Variants in WWC1 observed in about 807,000 individuals in gnomAD.
WWC1 encodes the protein WW and C2 domain containing 1, also known as protein KIBRA.
A neutral mutation model predicts 138.4 loss-of-function variants in WWC1; 55 were observed. The ratio of observed to expected loss-of-function variants is 0.40; its 90% CI spans 0.32 to 0.50. The LOEUF (loss-of-function observed/expected upper bound fraction) is 0.50. WWC1 is among the 20% of genes least tolerant of loss of function. WWC1 has a pLI of 0.72. For missense variants in WWC1, 1,226 were observed against 1,420.4 expected, an observed-to-expected ratio of 0.86 and a Z score of 2.20; for synonymous variants, 524 against 564.9, an observed-to-expected ratio of 0.93 and a Z score of 1.03.
chr5:168,292,915 C>T lies in WWC1; in HGVS notation c.119+644C>T, dbSNP rs937798291. Among the ~76,000 whole-genome samples, 4 of 152,122 alleles carry T rather than the reference C, an allele frequency of 2.6e-5. No homozygotes were observed. Among genetic ancestry groups the T allele is most frequent in the Admixed American group, 2.6e-4 (4 of 15,280 alleles). On this transcript the variant is annotated intron_variant, in intron 1 of 22. Coordinates refer to ENST00000265293, the MANE Select transcript of WWC1 (RefSeq NM_015238.3). The surrounding 1 kb of genome is among the most constrained non-coding windows in gnomAD (Gnocchi z 4.4). ...AGGGCAGATGAGGGAGACTGGTTAT[C>T]CAGGAATCTGGCAGCAACTTGGAAG...
chr5:168,374,333 G>T (rs569481241), intron 2 of WWC1, among the ~76,000 whole-genome samples: 1 of 152,300 alleles, frequency 6.6e-6, no homozygotes, highest in Non-Finnish European at 1.5e-5. Context: ...GTATTTGGGG[G>T]TGGCGAAGAA....
At chr5:168,337,173 T>A (rs55825896) in intron 1 of WWC1, among the ~76,000 whole-genome samples, 1,894 of 152,192 alleles carry the variant, frequency 0.012, 41 homozygotes, top group African/African-American at 0.043. Context: ...GGTCCTGCAA[T>A]CATTGGGGAC....
Position 168,455,498 on chromosome 5 carries a change from C to G in WWC1, c.2801C>G (p.Pro934Arg). ...CGCTCTAAGACCTTCTCCCCAGGAC[C>G]CCAGAGCCAGTACGTGTGCCGGGTA... ...IIRSKTFSPG[P>R]QSQYVCRLNR... Residue 934 changes from proline (P) to arginine (R), a missense_variant, in exon 19 of 23, where the codon CCC becomes CGC. Pro to Arg is a moderately radical substitution (Grantham distance 103, BLOSUM62 -2). This residue lies in a region of WWC1 where 206 missense variants were observed against 247.4 expected (regional missense o/e 0.83). Coordinates refer to ENST00000265293, the MANE Select transcript of WWC1 (RefSeq NM_015238.3). 1 of 1,613,058 alleles carries G rather than the reference C, an allele frequency of 6.2e-7. No homozygotes were observed. Among genetic ancestry groups the G allele is most frequent in the Non-Finnish European group, 8.5e-7 (1 of 1,179,544 alleles).
chr5:168,431,469 G>T (rs1781935554), intron 15 of WWC1, 25 bp downstream of exon 15: 1 of 1,358,440 alleles, frequency 7.4e-7, no homozygotes, highest in African/African-American at 1.8e-5. Context: ...TGGCTGGCTG[G>T]CTGGCTGGCT....
At chr5:168,345,481 C>T (rs1581985604) in intron 1 of WWC1, among the ~76,000 whole-genome samples, 1 of 152,170 alleles carries the variant, frequency 6.6e-6, no homozygotes. Flanking sequence ...ACCTGAGTAA[C>T]TCAGCCATTC....
rs138356604 is a variant in WWC1 at position 168,440,224 on chromosome 5, C to T, written c.2281-1458C>T. On this transcript the variant is annotated intron_variant, in intron 15 of 22. Transcript: ENST00000265293. ...AAAGATGTTCAACATTACTAGTTAT[C>T]AGAGCAATGCAAATCAAAACCACAA... is the stretch of plus-strand genomic sequence containing the variant. Among the ~76,000 whole-genome samples, 30 of 152,306 alleles carry T rather than the reference C, an allele frequency of 2.0e-4. No individual in the cohort carries two copies. The East Asian group carries it at 5.4e-3, about 27-fold the overall frequency.
At chr5:168,382,779 G>A (rs1240147449) in intron 2 of WWC1, among the ~76,000 whole-genome samples, 2 of 152,248 alleles carry the variant, frequency 1.3e-5, no homozygotes, top group African/African-American at 2.4e-5. Context: ...CCTCATGAGG[G>A]GCAGTTTTTT....
At chr5:168,298,948 G>A (rs1466441629) in intron 1 of WWC1, among the ~76,000 whole-genome samples, 1 of 152,166 alleles carries the variant, frequency 6.6e-6, no homozygotes, top group African/African-American at 2.4e-5. Flanking sequence ...AGCCAGGTGT[G>A]GTGGCACGCA....
intron 1 of WWC1, among the ~76,000 whole-genome samples, chr5:168,323,018 A>G (rs150466914): frequency 1.5e-3 from 233 of 152,374 alleles, no homozygotes; most frequent in African/African-American, 5.4e-3. Flanking sequence ...AAGTCAGTCA[A>G]TAGAAACAGA....
At chr5:168,427,249 G>C (rs1478530031) in intron 11 of WWC1, among the ~76,000 whole-genome samples, 2 of 152,192 alleles carry the variant, frequency 1.3e-5, no homozygotes, top group Non-Finnish European at 2.9e-5. Flanking sequence ...GTGGCAATAA[G>C]GATAGTTGTA....
intron 1 of WWC1, among the ~76,000 whole-genome samples, chr5:168,345,324 C>T (rs1469409184): frequency 2.0e-5 from 3 of 152,140 alleles, no homozygotes; most frequent in South Asian, 2.1e-4. Context: ...AGGCTGGTTT[C>T]GAACTCTCGA....
intron 5 of WWC1, among the ~76,000 whole-genome samples, chr5:168,403,871 T>TAGACACAC (rs1244295959): frequency 2.2e-5 from 3 of 134,436 alleles, no homozygotes; most frequent in South Asian, 2.6e-4. Context: ...AACACATGCA[T>TAGACACAC]ACACACACAC....
chr5:168,391,764 T>C (rs1778524706), intron 3 of WWC1, among the ~76,000 whole-genome samples: 1 of 55,836 alleles, frequency 1.8e-5, no homozygotes, highest in African/African-American at 7.2e-5. Flanking sequence ...TTAAGGCATA[T>C]ATATATATAT....
At chr5:168,313,804 A>G (rs1771333892) in intron 1 of WWC1, among the ~76,000 whole-genome samples, 1 of 152,178 alleles carries the variant, frequency 6.6e-6, no homozygotes, top group South Asian at 2.1e-4. Flanking sequence ...TACTTGTGGT[A>G]TCAATAAACA....
intron 2 of WWC1, among the ~76,000 whole-genome samples, chr5:168,379,464 A>C (rs1350742820): frequency 6.6e-6 from 1 of 152,054 alleles, no homozygotes; most frequent in Non-Finnish European, 1.5e-5. Context: ...CAATGGCGCG[A>C]TCTTGGCTCA....
At chr5:168,415,052 T>G in intron 9 of WWC1, 1 of 164,938 alleles carries the variant, frequency 6.1e-6, no homozygotes, top group Non-Finnish European at 1.3e-5. Flanking sequence ...ACCAAATTGA[T>G]TTCACCCCAT....
rs1322781353 is a variant in WWC1, at chr5:168,467,842, G to A, written c.3153G>A (p.Gln1051=). The A allele has an allele frequency of 2.0e-5, 33 of 1,614,080 alleles. No individual in the cohort carries two copies. Among genetic ancestry groups the A allele is most frequent in the Non-Finnish European group, 2.8e-5 (33 of 1,180,034 alleles). Reference sequence around the variant, plus strand: ...AGGGCCTTGCTTGCTTTGCCCAGCAGATGGACCGAGCGGAGCACAAGGGTG... The same window carrying A: ...AGGGCCTTGCTTGCTTTGCCCAGCAAATGGACCGAGCGGAGCACAAGGGTG... ...RLLLRMLEKR[Q]MDRAEHKGEL... is the part of the protein sequence containing the mutation. Residue 1051 remains glutamine (Q), a splice_region_variant and synonymous_variant, in exon 22 of 23, where the codon CAG becomes CAA. Coordinates refer to ENST00000265293, the MANE Select transcript of WWC1 (RefSeq NM_015238.3).
chr5:168,444,035 C>G (rs1561775087), intron 16 of WWC1, among the ~76,000 whole-genome samples: 9 of 152,234 alleles, frequency 5.9e-5, no homozygotes. Flanking sequence ...AAATGTTCCT[C>G]TTTCAGGAAG....
At position 168,397,754 on chromosome 5, in the gene WWC1, A is replaced by G. The variant is rs1206130830; in HGVS notation, c.464A>G (p.Tyr155Cys). ...LVSGSSSSSK[Y>C]DPEILKAEIA... ...TCTGGTTCATCATCCAGCTCCAAGT[A>G]TGACCCTGAGATCCTGAAAGCTGAA... The change falls in exon 4 of 23, where the codon TAT becomes TGT. Residue 155 changes from tyrosine to cysteine, a missense_variant. Transcript: ENST00000265293. The G allele has an allele frequency of 6.2e-7, 1 of 1,613,990 alleles. No homozygotes were observed. Among genetic ancestry groups the G allele is most frequent in the Non-Finnish European group, 8.5e-7 (1 of 1,179,942 alleles).
Sources: allele counts gnomAD v4.1 joint callset (sites outside exome capture counted in the v4.1 genomes callset), GRCh38; gene constraint gnomAD v4.1.1; regional missense constraint gnomAD v4.1.1; non-coding constraint Gnocchi (gnomAD v3.1); transcripts MANE v1.5; gene names NCBI Gene and HGNC (gene_info 2026-07-23, HGNC 2026-07-21).